Variants in ZBTB44 observed in about 807,000 individuals in gnomAD.
ZBTB44 encodes the protein zinc finger and BTB domain containing 44, also known as zinc finger and BTB domain-containing protein 44.
A neutral mutation model predicts 54.0 loss-of-function variants in ZBTB44; 15 were observed. The observed-to-expected ratio is 0.28, with a 90% CI of 0.19 to 0.43. The LOEUF is 0.43. ZBTB44 is among the 20% of genes least tolerant of loss of function. The pLI is 1.00. For synonymous variants in ZBTB44, 230 were observed against 250.1 expected (o/e 0.92, Z 0.76); for missense variants, 487 against 707.1 (o/e 0.69, Z 3.53).
At chr11:130,271,601 T>C (rs1170514725) in intron 1 of ZBTB44, among the ~76,000 whole-genome samples, 9 of 152,224 alleles carry the variant, frequency 5.9e-5, no homozygotes, top group Admixed American at 5.9e-4. Flanking sequence ...TGGAATCATA[T>C]AATAATGTGG....
chr11:130,313,900 G>A (rs76816545), intron 1 of ZBTB44, among the ~76,000 whole-genome samples: 9,446 of 132,982 alleles, frequency 0.071, 730 homozygotes, highest in African/African-American at 0.19. Context: ...GGAAGGAAAG[G>A]AAAAGAGGTG....
At chr11:130,255,248 AACTC>A (rs1407619452) in intron 2 of ZBTB44, among the ~76,000 whole-genome samples, 1 of 152,132 alleles carries the variant, frequency 6.6e-6, no homozygotes, top group African/African-American at 2.4e-5. Context: ...TAATAAAAGA[AACTC>A]ATTCAAAACT....
intron 1 of ZBTB44, among the ~76,000 whole-genome samples, chr11:130,300,233 G>A (rs1486629172): frequency 1.3e-5 from 2 of 152,150 alleles, no homozygotes; most frequent in Non-Finnish European, 1.5e-5. Context: ...TGAAAGATGG[G>A]TGGTGGTGAT....
rs547653361 is a variant in ZBTB44 at position 130,230,377 on chromosome 11, C to G, written c.*1387G>C. The G allele has an allele frequency of 1.5e-5, 2 of 134,712 alleles. No homozygotes were observed. Among genetic ancestry groups the G allele is most frequent in the South Asian group, 4.9e-4 (2 of 4,096 alleles). 8.3% of individuals were successfully genotyped at this position (134,712 alleles called of 1,614,324 possible). A position where few individuals can be genotyped will look rare whatever the true frequency, so the allele number is the denominator to read the frequency against. On this transcript the variant is annotated 3_prime_UTR_variant, in exon 8 of 8. Coordinates refer to ENST00000357899, the MANE Select transcript of ZBTB44 (RefSeq NM_001301098.2). ...ATGGACATCAGATGTATTGACTAGT[C>G]TATTTCATTTGGCAAAGTATTTTAA...
intron 1 of ZBTB44, among the ~76,000 whole-genome samples, chr11:130,312,535 C>T (rs79084108): frequency 0.063 from 9,516 of 151,990 alleles, 742 homozygotes; most frequent in African/African-American, 0.18. Context: ...GAGGAATAAA[C>T]GAAATGACAT....
chr11:130,240,781 C>T (rs1444847029), intron 2 of ZBTB44, among the ~76,000 whole-genome samples: 1 of 152,120 alleles, frequency 6.6e-6, no homozygotes, highest in Non-Finnish European at 1.5e-5. Flanking sequence ...TACAAGTATC[C>T]ATAAGGTAGG....
intron 1 of ZBTB44, among the ~76,000 whole-genome samples, chr11:130,262,163 A>C (rs1427956634): frequency 6.6e-6 from 1 of 152,140 alleles, no homozygotes; most frequent in Non-Finnish European, 1.5e-5. Context: ...TTTTTGAGAC[A>C]GAGTCTTGCT....
At chr11:130,250,377 G>C (rs1009531709) in intron 2 of ZBTB44, among the ~76,000 whole-genome samples, 3 of 152,222 alleles carry the variant, frequency 2.0e-5, no homozygotes, top group Non-Finnish European at 4.4e-5. Context: ...GTTCTGAAGA[G>C]AGCAGCGGAT....
chr11:130,241,459 G>A (rs948386386), intron 2 of ZBTB44, among the ~76,000 whole-genome samples: 39 of 152,264 alleles, frequency 2.6e-4, no homozygotes, highest in African/African-American at 7.7e-4. Flanking sequence ...ATATTTCATG[G>A]TGGTTTGAAT....
chr11:130,232,488 A>C (rs1953912077), intron 7 of ZBTB44: 1 of 152,226 alleles, frequency 6.6e-6, no homozygotes, highest in African/African-American at 2.4e-5. Flanking sequence ...TAGCAGCAGA[A>C]ATAATATTCA....
intron 1 of ZBTB44, chr11:130,296,608 T>A: frequency 1.1e-6 from 1 of 886,758 alleles, no homozygotes; most frequent in South Asian, 1.3e-5. Context: ...GAGGCCTAAA[T>A]GGGAGAAGAC....
rs1252157633 is a variant in ZBTB44 at position 130,231,365 on chromosome 11, T to C, written c.*399A>G. On this transcript the variant is annotated 3_prime_UTR_variant, in exon 8 of 8. Coordinates refer to ENST00000357899, the MANE Select transcript of ZBTB44 (RefSeq NM_001301098.2). ...ATGTTAAATACTGGTTAGTTACTGG[T>C]ATTGATAAGATCTGGGCAGCAGACA... is the stretch of plus-strand genomic sequence containing the variant. 1 of 152,168 alleles carries C rather than the reference T, an allele frequency of 6.6e-6. No individual in the cohort carries two copies. The highest frequency in any genetic ancestry group is 2.1e-4 in the South Asian group (1 of 4,828). 9.4% of individuals were successfully genotyped at this position (152,168 alleles called of 1,614,324 possible). A position where few individuals can be genotyped will look rare whatever the true frequency, so the allele number is the denominator to read the frequency against.
intron 1 of ZBTB44, among the ~76,000 whole-genome samples, chr11:130,289,413 T>C (rs1452561699): frequency 7.1e-6 from 1 of 140,536 alleles, no homozygotes; most frequent in African/African-American, 2.7e-5. Flanking sequence ...AACTCGGAGG[T>C]GGAGGTTGCA....
At chr11:130,271,425 A>G (rs1939661460) in intron 1 of ZBTB44, among the ~76,000 whole-genome samples, 1 of 152,202 alleles carries the variant, frequency 6.6e-6, no homozygotes. Context: ...ACCAGATAAC[A>G]AGGAAGCTAC....
intron 4 of ZBTB44, among the ~76,000 whole-genome samples, chr11:130,237,933 ATC>A (rs1423802920): frequency 2.0e-5 from 3 of 152,188 alleles, no homozygotes; most frequent in East Asian, 1.9e-4. Context: ...TTTATCCAAA[ATC>A]TCTGTTATGT....
intron 1 of ZBTB44, among the ~76,000 whole-genome samples, chr11:130,274,739 A>G (rs1939933538): frequency 2.0e-5 from 3 of 152,174 alleles, no homozygotes. Context: ...TTTTAAAAAA[A>G]TATGTTGTGG....
At chr11:130,279,186 T>C (rs1194961191) in intron 1 of ZBTB44, among the ~76,000 whole-genome samples, 2 of 152,044 alleles carry the variant, frequency 1.3e-5, no homozygotes, top group Non-Finnish European at 2.9e-5. Context: ...TGCTAAGCCT[T>C]GGATGTTGAT....
rs1362671973 is a variant in ZBTB44, at chr11:130,314,769, G to T, written c.-451C>A. 1 of 151,142 alleles carries T rather than the reference G, an allele frequency of 6.6e-6. No homozygotes were observed. Among genetic ancestry groups the T allele is most frequent in the Admixed American group, 6.6e-5 (1 of 15,228 alleles). The allele number at this position is 151,142 out of a possible 1,614,324, so 9.4% of individuals were successfully genotyped here. ...GGCGACGGCTCGCGTGTTCCCAGCG[G>T]GGCGGGGTGGGGAAGGGGAAGGGGA... On this transcript the variant is annotated 5_prime_UTR_variant, in exon 1 of 8. Transcript: ENST00000357899.
intron 2 of ZBTB44, among the ~76,000 whole-genome samples, chr11:130,248,971 G>C (rs1937761310): frequency 6.6e-6 from 1 of 152,026 alleles, no homozygotes; most frequent in African/African-American, 2.4e-5. Context: ...GGGTGTGGTG[G>C]TGTGTGCCTG....
Sources: allele counts gnomAD v4.1 joint callset (sites outside exome capture counted in the v4.1 genomes callset), GRCh38; gene constraint gnomAD v4.1.1; transcripts MANE v1.5; gene names NCBI Gene and HGNC (gene_info 2026-07-23, HGNC 2026-07-21).